PC: variants seen among roughly 807,000 people sequenced by gnomAD.
PC encodes the protein pyruvate carboxylase, mitochondrial.
PC carries 46 observed loss-of-function variants against 107.8 expected under a neutral mutation model. The ratio of observed to expected loss-of-function variants is 0.43; its 90% CI spans 0.34 to 0.55. The LOEUF is 0.55. Ranked by LOEUF, PC falls within the 20% of genes least tolerant of loss-of-function variation. PC has a pLI of 0.04. For missense variants in PC, 1,241 were observed against 1,643.1 expected, an observed-to-expected ratio of 0.76 and a Z score of 4.23; for synonymous variants, 662 against 684.7, an observed-to-expected ratio of 0.97 and a Z score of 0.52.
At position 66,857,283 on chromosome 11, in the gene PC, G is replaced by A. The variant is rs946187217; in HGVS notation, c.1369-3900C>T. ...AGGGAGGCCGGCCCGCGCCCCCTGA[G>A]CGACGGACACCAGGTGAGGGGGCCG... is the stretch of plus-strand genomic sequence containing the variant. On this transcript the variant is annotated intron_variant, in intron 12 of 22. Coordinates refer to ENST00000393960, the MANE Select transcript of PC (RefSeq NM_001040716.2). This position sits in a 1 kb window ranked among gnomAD's most constrained non-coding sequence, Gnocchi z 7.1. The A allele has an allele frequency of 2.7e-5, 4 of 150,066 alleles. No homozygotes were observed. Among genetic ancestry groups the A allele is most frequent in the African/African-American group, 9.7e-5 (4 of 41,104 alleles). 9.3% of individuals were successfully genotyped at this position (150,066 alleles called of 1,614,324 possible). A position where few individuals can be genotyped will look rare whatever the true frequency, so the allele number is the denominator to read the frequency against.
chr11:66,927,355 T>C (rs1333455130), intron 3 of PC, among the ~76,000 whole-genome samples: 1 of 150,544 alleles, frequency 6.6e-6, no homozygotes, highest in Non-Finnish European at 1.5e-5. Flanking sequence ...GTTTTCATTC[T>C]CTGATAGGAA....
chr11:66,892,715 C>T lies in PC; in HGVS notation c.1-20556G>A, dbSNP rs984359976. ...CAAAAAAATTAGCCAGGCACGGTGGCGGGCGCCTATAATCCCAGCTTCCCA... is the reference window on the plus strand; with the variant it reads ...CAAAAAAATTAGCCAGGCACGGTGGTGGGCGCCTATAATCCCAGCTTCCCA... On this transcript the variant is annotated intron_variant, in intron 3 of 22. Coordinates refer to ENST00000393960, the MANE Select transcript of PC (RefSeq NM_001040716.2). Among the ~76,000 whole-genome samples the T allele has an allele frequency of 3.3e-5, 5 of 152,022 alleles. No individual in the cohort carries two copies. The East Asian group carries it at 5.8e-4, about 18-fold the overall frequency.
At chr11:66,900,327 A>G (rs535145133) in intron 3 of PC, among the ~76,000 whole-genome samples, 86 of 151,134 alleles carry the variant, frequency 5.7e-4, no homozygotes, top group African/African-American at 2.0e-3. Context: ...GGCGCCCACC[A>G]CCACGCCCGA....
chr11:66,944,831 G>A (rs1215471941), intron 3 of PC, among the ~76,000 whole-genome samples: 1 of 116,296 alleles, frequency 8.6e-6, no homozygotes, highest in African/African-American at 3.1e-5. Flanking sequence ...ATGTGCATCA[G>A]ACATCAACGG....
chr11:66,956,646 G>C (rs1949567599), intron 1 of PC, among the ~76,000 whole-genome samples: 1 of 152,140 alleles, frequency 6.6e-6, no homozygotes, highest in Non-Finnish European at 1.5e-5. Flanking sequence ...CTTTCTAGCT[G>C]CTGAAATCCA....
At position 66,937,313 on chromosome 11, in the gene PC, C is replaced by T. The variant is rs370354861; in HGVS notation, c.-1+15117G>A. On this transcript the variant is annotated intron_variant, in intron 3 of 22. Transcript: ENST00000393960. The stretch of plus-strand genomic sequence containing the variant: ...CAGTGTTCATCCCACTATCTCCTGG[C>T]TCCCATGATTTCTGAGGAGAAATGA... 3.3e-5 allele frequency among the ~76,000 whole-genome samples: 5 copies of T among 152,224 alleles called. No homozygotes were observed. In the East Asian group the frequency reaches 9.6e-4, roughly 29 times the overall value.
chr11:66,902,637 G>A (rs1032999814), intron 3 of PC, among the ~76,000 whole-genome samples: 6 of 152,164 alleles, frequency 3.9e-5, no homozygotes, highest in African/African-American at 1.4e-4. Context: ...TCTCCTCCCT[G>A]CCTGCCAACC....
At chr11:66,859,460 C>T (rs1002069642) in intron 12 of PC, among the ~76,000 whole-genome samples, 2 of 152,214 alleles carry the variant, frequency 1.3e-5, no homozygotes, top group African/African-American at 2.4e-5. Context: ...CGTCCTGTGC[C>T]AGTGCACACA....
intron 3 of PC, among the ~76,000 whole-genome samples, chr11:66,877,716 T>C (rs2135969059): frequency 6.6e-6 from 1 of 152,348 alleles, no homozygotes; most frequent in South Asian, 2.1e-4. Context: ...ACACCCTGGC[T>C]CCCACAGACA....
intron 3 of PC, among the ~76,000 whole-genome samples, chr11:66,890,720 G>A (rs965725035): frequency 6.6e-6 from 1 of 151,630 alleles, no homozygotes; most frequent in Non-Finnish European, 1.5e-5. Context: ...GGCTGATCTC[G>A]AACTCCACTC....
Position 66,918,141 on chromosome 11 carries a change from C to T in PC, c.-1+34289G>A, listed in dbSNP as rs186520082. Among the ~76,000 whole-genome samples the T allele has an allele frequency of 2.0e-5, 3 of 152,252 alleles. No individual in the cohort carries two copies. The East Asian group carries it at 5.8e-4, about 29-fold the overall frequency. ...TTTGCATTAAAGAAAAATTCACATG[C>T]AAGGCAATTAAAATTCCTCTTTCCA... On this transcript the variant is annotated intron_variant, in intron 3 of 22. Transcript: ENST00000393960.
intron 3 of PC, among the ~76,000 whole-genome samples, chr11:66,908,313 C>T (rs1948228254): frequency 6.6e-6 from 1 of 152,162 alleles, no homozygotes; most frequent in Non-Finnish European, 1.5e-5. Flanking sequence ...GGGTTGTCCA[C>T]CTGGGAACTG....
intron 3 of PC, among the ~76,000 whole-genome samples, chr11:66,942,082 A>G (rs1304451568): frequency 1.3e-5 from 2 of 149,126 alleles, no homozygotes; most frequent in Non-Finnish European, 3.0e-5. Flanking sequence ...AGCCTGGGCA[A>G]CAAGAGTGAA....
intron 12 of PC, chr11:66,859,811 C>G: frequency 6.3e-7 from 1 of 1,586,168 alleles, no homozygotes; most frequent in Non-Finnish European, 8.6e-7. Context: ...TGTGCCACGC[C>G]CTGCAGGCCC....
At chr11:66,853,725 C>G (rs1040429044) in intron 12 of PC, among the ~76,000 whole-genome samples, 5 of 152,250 alleles carry the variant, frequency 3.3e-5, no homozygotes, top group African/African-American at 1.2e-4. Context: ...CCACGCTTCT[C>G]GAAAGAGGGC....
In PC at chr11:66,858,140, G is replaced by T. The variant is rs757483573; in HGVS notation, c.1369-4757C>A. 2.5e-6 allele frequency: 4 copies of T among 1,610,658 alleles called. No homozygotes were observed. In the South Asian group the frequency reaches 4.4e-5, roughly 18 times the overall value. ...ACCTCATCCTCAGCGGCAACCAGCTGGGCCGCATCGCGCCGGGAGCCTTCG... is the reference window on the plus strand; with the variant it reads ...ACCTCATCCTCAGCGGCAACCAGCTTGGCCGCATCGCGCCGGGAGCCTTCG... On this transcript the variant is annotated intron_variant, in intron 12 of 22. Coordinates refer to ENST00000393960, the MANE Select transcript of PC (RefSeq NM_001040716.2). The surrounding 1 kb of genome is among the most constrained non-coding windows in gnomAD (Gnocchi z 5.9).
chr11:66,865,926 T>G (rs918369119), intron 11 of PC, among the ~76,000 whole-genome samples: 3 of 152,158 alleles, frequency 2.0e-5, no homozygotes, highest in Admixed American at 2.0e-4. Flanking sequence ...CCCTGCGTTT[T>G]GCTCCACCAA....
At position 66,852,106 on chromosome 11, in the gene PC, C is replaced by T. The variant is rs563948208; in HGVS notation, c.1826-160G>A. Among the ~76,000 whole-genome samples the T allele has an allele frequency of 7.9e-5, 12 of 152,326 alleles. No individual in the cohort carries two copies. The East Asian group carries it at 2.1e-3, about 27-fold the overall frequency. On this transcript the variant is annotated intron_variant, in intron 15 of 22. Transcript: ENST00000393960. The surrounding 1 kb of genome is among the most constrained non-coding windows in gnomAD (Gnocchi z 4.7). ...TGCTCCAACCCCCACAGATTTTTCCCTTGTCTGATCTCTAAGGGGGAGACC... is the reference window on the plus strand; with the variant it reads ...TGCTCCAACCCCCACAGATTTTTCCTTTGTCTGATCTCTAAGGGGGAGACC...
intron 12 of PC, chr11:66,859,676 C>T (rs762132606): frequency 1.2e-6 from 2 of 1,613,058 alleles, no homozygotes; most frequent in East Asian, 2.2e-5. Flanking sequence ...TGCTGAAGCA[C>T]CTCGTCCCCG....
Sources: allele counts gnomAD v4.1 joint callset (sites outside exome capture counted in the v4.1 genomes callset), GRCh38; gene constraint gnomAD v4.1.1; non-coding constraint Gnocchi (gnomAD v3.1); transcripts MANE v1.5; gene names NCBI Gene and HGNC (gene_info 2026-07-23, HGNC 2026-07-21).